The following CEP78 variants were observed in gnomAD, a reference collection of about 807,000 sequenced individuals.
CEP78 encodes centrosomal protein of 78 kDa.
CEP78 carries 76 observed loss-of-function variants against 81.2 expected under a neutral mutation model. The observed-to-expected ratio is 0.94, with a 90% CI of 0.78 to 1.13. The LOEUF (loss-of-function observed/expected upper bound fraction) is 1.13, where lower values mean the gene tolerates loss of function less well. Among genes scored for constraint, CEP78 ranks in the 50% most tolerant of loss-of-function variants. CEP78 has a pLI of 0.00. For missense variants in CEP78, 918 were observed against 846.8 expected (o/e 1.08, Z -1.04); for synonymous variants, 293 against 301.4 (o/e 0.97, Z 0.29).
At chr9:78,268,727 G>C (rs1827626012) in intron 16 of CEP78, among the ~76,000 whole-genome samples, 1 of 144,416 alleles carries the variant, frequency 6.9e-6, no homozygotes, top group African/African-American at 2.6e-5. Flanking sequence ...CTGTCGCCCA[G>C]GCTGGAGTGC....
intron 11 of CEP78, 24 bp from the exon 12 acceptor site, chr9:78,262,883 A>T (rs1484473490): frequency 1.0e-5 from 14 of 1,356,928 alleles, no homozygotes; most frequent in Non-Finnish European, 1.3e-5. Context: ...TAATTATAAT[A>T]TTTACTTTAT....
chr9:78,250,322 G>T (rs988251311), intron 8 of CEP78: 7 of 397,906 alleles, frequency 1.8e-5, no homozygotes, highest in African/African-American at 4.1e-5. Context: ...GAGTATAGGG[G>T]TTATATAATT....
rs956976235 is a variant in CEP78 at position 78,272,825 on chromosome 9, A to G, written c.*1974A>G. 3 of 152,212 alleles carry G rather than the reference A, an allele frequency of 2.0e-5. No homozygotes were observed. The highest frequency in any genetic ancestry group is 7.2e-5 in the African/African-American group (3 of 41,446). The allele number at this position is 152,212 out of a possible 1,614,324, so 9.4% of individuals were successfully genotyped here. A position where few individuals can be genotyped will look rare whatever the true frequency, so the allele number is the denominator to read the frequency against. On this transcript the variant is annotated 3_prime_UTR_variant, in exon 17 of 17. Transcript: ENST00000643273. ...GGCTGGTGGAACGTCACTATTTGGA[A>G]CATTGCTGGTTGCAGTGTCCAAGGA...
intron 1 of CEP78, 86 bp from the exon 2 acceptor site, chr9:78,239,937 A>G: frequency 8.4e-7 from 1 of 1,185,082 alleles, no homozygotes; most frequent in South Asian, 1.6e-5. Context: ...GACATGGCTC[A>G]TTTCTATGTC....
At chr9:78,270,748 TAGG>T (rs1487350177) in intron 16 of CEP78, 90 bp from the exon 17 acceptor site, 1 of 613,144 alleles carries the variant, frequency 1.6e-6, no homozygotes, top group Non-Finnish European at 2.9e-6. Flanking sequence ...ATCGGCATGA[TAGG>T]AGATGATTGG....
intron 6 of CEP78, 83 bp from the exon 7 acceptor site, chr9:78,248,208 A>G: frequency 1.4e-6 from 1 of 731,318 alleles, no homozygotes; most frequent in South Asian, 1.6e-5. Flanking sequence ...AAAAAGCAAT[A>G]ATTGGTTGGC....
chr9:78,254,786 A>T (rs746596188), intron 10 of CEP78, 50 bp from the exon 11 acceptor site: 3 of 1,476,530 alleles, frequency 2.0e-6, no homozygotes, highest in Non-Finnish European at 2.8e-6. Flanking sequence ...GTCCTTTAGT[A>T]TTTGGTATTC....
In CEP78 at chr9:78,274,678, A is replaced by G. The variant is rs1461036290; in HGVS notation, c.*3827A>G. The G allele has an allele frequency of 6.6e-6, 1 of 152,216 alleles. No homozygotes were observed. The highest frequency in any genetic ancestry group is 2.4e-5 in the African/African-American group (1 of 41,466). 9.4% of individuals were successfully genotyped at this position (152,216 alleles called of 1,614,324 possible). ...ACAAAATTCAAAGATCATACAGATC[A>G]TGTGCTCTGTATAATGTAATAATAG... On this transcript the variant is annotated 3_prime_UTR_variant, in exon 17 of 17. Transcript: ENST00000643273.
At chr9:78,243,213 T>C (rs935265859) in intron 4 of CEP78, among the ~76,000 whole-genome samples, 4 of 152,200 alleles carry the variant, frequency 2.6e-5, no homozygotes, top group African/African-American at 7.2e-5. Context: ...GTTGTCAGTT[T>C]ACATAAAGCA....
chr9:78,238,586 C>T (rs1289195405), intron 1 of CEP78, among the ~76,000 whole-genome samples: 1 of 151,952 alleles, frequency 6.6e-6, no homozygotes, highest in Non-Finnish European at 1.5e-5. Context: ...TTAAAAACAA[C>T]CTGACCACTT....
intron 14 of CEP78, 99 bp downstream of exon 14, chr9:78,265,642 C>A: frequency 8.7e-7 from 1 of 1,154,108 alleles, no homozygotes; most frequent in Non-Finnish European, 1.2e-6. Flanking sequence ...TGCACATGCT[C>A]AGGGACCAGA....
At chr9:78,257,681 A>G (rs1055511444) in intron 11 of CEP78, among the ~76,000 whole-genome samples, 3 of 152,340 alleles carry the variant, frequency 2.0e-5, no homozygotes, top group African/African-American at 7.2e-5. Context: ...AACATAAAAC[A>G]AATTAAACTA....
chr9:78,244,278 A>T (rs1304544362), intron 5 of CEP78, among the ~76,000 whole-genome samples: 2 of 151,722 alleles, frequency 1.3e-5, no homozygotes, highest in Admixed American at 1.3e-4. Context: ...CTGGCACTAC[A>T]GGTGCACACC....
rs1197577440 is a variant in CEP78, at chr9:78,277,153, TG to T, written c.*6303del. On this transcript the variant is annotated 3_prime_UTR_variant, in exon 17 of 17. Coordinates refer to ENST00000643273, the MANE Select transcript of CEP78 (RefSeq NM_001330691.3). Reference sequence around the variant, plus strand: ...ACTTTTTCTTATTTCATATCATGGATGAAAAAAATCAAGATGAATTAAACAT... The same window carrying T: ...ACTTTTTCTTATTTCATATCATGGATAAAAAAATCAAGATGAATTAAACAT... 4.0e-5 allele frequency: 6 copies of T among 151,768 alleles called. No individual in the cohort carries two copies. The highest frequency in any genetic ancestry group is 5.9e-5 in the Non-Finnish European group (4 of 67,942). 9.4% of individuals were successfully genotyped at this position (151,768 alleles called of 1,614,324 possible). A position where few individuals can be genotyped will look rare whatever the true frequency, so the allele number is the denominator to read the frequency against.
Position 78,246,601 on chromosome 9 carries a change from A to T in CEP78, c.779-68A>T, listed in dbSNP as rs558543920. 1.7e-5 allele frequency: 18 copies of T among 1,069,488 alleles called. No individual in the cohort carries two copies. The South Asian group carries it at 2.7e-4, about 16-fold the overall frequency. The allele number at this position is 1,069,488 out of a possible 1,614,324, so 66.2% of individuals were successfully genotyped here. On this transcript the variant is annotated intron_variant, in intron 5 of 16. Coordinates refer to ENST00000643273, the MANE Select transcript of CEP78 (RefSeq NM_001330691.3). The stretch of plus-strand genomic sequence containing the variant: ...GGTGACAGAGTGAGACTCCGTCTCA[A>T]AAAAACAAACAAACAAACAAAAAAT...
chr9:78,267,224 A>G (rs1827582640), intron 16 of CEP78: 1 of 379,788 alleles, frequency 2.6e-6, no homozygotes, highest in Admixed American at 3.6e-5. Context: ...TATGTATAAT[A>G]TCATTCTGGG....
At position 78,278,820 on chromosome 9, in the gene CEP78, C is replaced by T. The variant is rs1158702660; in HGVS notation, c.*7969C>T. On this transcript the variant is annotated 3_prime_UTR_variant, in exon 17 of 17. Coordinates refer to ENST00000643273, the MANE Select transcript of CEP78 (RefSeq NM_001330691.3). ...CTTCTGGTAATTTTCTTTAGATTTCCCTTTTCAGAACCCTTTTGTGACACT... is the reference window on the plus strand; with the variant it reads ...CTTCTGGTAATTTTCTTTAGATTTCTCTTTTCAGAACCCTTTTGTGACACT... 1 of 152,118 alleles carries T rather than the reference C, an allele frequency of 6.6e-6. No individual in the cohort carries two copies. Among genetic ancestry groups the T allele is most frequent in the Admixed American group, 6.5e-5 (1 of 15,276 alleles). 9.4% of individuals were successfully genotyped at this position (152,118 alleles called of 1,614,324 possible). A position where few individuals can be genotyped will look rare whatever the true frequency, so the allele number is the denominator to read the frequency against.
At chr9:78,260,220 G>A (rs999065422) in intron 11 of CEP78, among the ~76,000 whole-genome samples, 1 of 152,114 alleles carries the variant, frequency 6.6e-6, no homozygotes, top group African/African-American at 2.4e-5. Context: ...ATGTTTATTT[G>A]CTTTGACCTA....
chr9:78,261,138 A>T (rs1358750870), intron 11 of CEP78, among the ~76,000 whole-genome samples: 2 of 151,930 alleles, frequency 1.3e-5, no homozygotes. Flanking sequence ...TTTAGTAGAG[A>T]CGGGGTTTCA....
Sources: allele counts gnomAD v4.1 joint callset (sites outside exome capture counted in the v4.1 genomes callset), GRCh38; gene constraint gnomAD v4.1.1; transcripts MANE v1.5; gene names NCBI Gene and HGNC (gene_info 2026-07-23, HGNC 2026-07-21).